Variants in AGAP1 observed in about 807,000 individuals in gnomAD.
The protein encoded by AGAP1 is ArfGAP with GTPase domain, ankyrin repeat and PH domain 1, also known as arf-GAP with GTPase, ANK repeat and PH domain-containing protein 1.
In AGAP1, 29 loss-of-function variants were observed where a neutral mutation model predicts 105.3. The observed-to-expected ratio is 0.28, with a 90% CI of 0.21 to 0.38. The LOEUF is 0.38. AGAP1 is among the 10% of genes least tolerant of loss of function. The probability of loss-of-function intolerance (pLI) is 1.00; values close to 1 mark genes in which losing one functional copy is unlikely to be tolerated. For synonymous variants in AGAP1, 509 were observed against 485.9 expected (o/e 1.05, Z -0.63); for missense variants, 998 against 1,165.1 (o/e 0.86, Z 2.09).
intron 8 of AGAP1, among the ~76,000 whole-genome samples, chr2:235,800,509 A>G (rs1957447082): frequency 6.6e-6 from 1 of 152,222 alleles, no homozygotes; most frequent in Admixed American, 6.5e-5. Flanking sequence ...TGCATAGCAG[A>G]CATTACCAAT....
At chr2:235,941,567 CAA>C (rs1340585146) in intron 12 of AGAP1, among the ~76,000 whole-genome samples, 1 of 152,176 alleles carries the variant, frequency 6.6e-6, no homozygotes, top group East Asian at 1.9e-4. Flanking sequence ...ATTCTGAAGT[CAA>C]GTCGTGCATG....
chr2:235,956,780 G>A (rs991560985), intron 12 of AGAP1, among the ~76,000 whole-genome samples: 1 of 152,136 alleles, frequency 6.6e-6, no homozygotes, highest in African/African-American at 2.4e-5. Flanking sequence ...GTAGGTGGCT[G>A]GAGGCCAGAC....
chr2:235,736,922 T>A lies in AGAP1; in HGVS notation c.311-4041T>A, dbSNP rs1272812222. On this transcript the variant is annotated intron_variant, in intron 3 of 17. Transcript: ENST00000304032. This position sits in a 1 kb window ranked among gnomAD's most constrained non-coding sequence, Gnocchi z 5.5. ...GATCTGATGAAATGGTAGGTTGAAT[T>A]TAAAATGGTGCAAGTGGTGGTGCCT... 5.3e-5 allele frequency among the ~76,000 whole-genome samples: 8 copies of A among 152,324 alleles called. No homozygotes were observed. The highest frequency in any genetic ancestry group is 1.9e-4 in the African/African-American group (8 of 41,572).
rs1946909154 is a variant in AGAP1, at chr2:235,633,907, A to C, written c.164-75272A>C. Among the ~76,000 whole-genome samples, 1 of 152,170 alleles carries C rather than the reference A, an allele frequency of 6.6e-6. No homozygotes were observed. On this transcript the variant is annotated intron_variant, in intron 1 of 17. Coordinates refer to ENST00000304032, the MANE Select transcript of AGAP1 (RefSeq NM_001037131.3). This position sits in a 1 kb window ranked among gnomAD's most constrained non-coding sequence, Gnocchi z 4.8. ...ATGAGGGGCAAGAGATCAGGAGAGCAGGAGAAGCTCAGAGAGAAACTTGGC... is the reference window on the plus strand; with the variant it reads ...ATGAGGGGCAAGAGATCAGGAGAGCCGGAGAAGCTCAGAGAGAAACTTGGC...
intron 13 of AGAP1, among the ~76,000 whole-genome samples, chr2:235,990,065 C>T (rs1040581689): frequency 6.6e-6 from 1 of 152,060 alleles, no homozygotes; most frequent in Non-Finnish European, 1.5e-5. Flanking sequence ...CACAGCCACA[C>T]AAGCCGTTCT....
rs996617056 is a variant in AGAP1, at chr2:236,104,870, A to C, written c.2115-15322A>C. Among the ~76,000 whole-genome samples, 3 of 152,060 alleles carry C rather than the reference A, an allele frequency of 2.0e-5. No individual in the cohort carries two copies. The highest frequency in any genetic ancestry group is 7.2e-5 in the African/African-American group (3 of 41,422). On this transcript the variant is annotated intron_variant, in intron 16 of 17. Coordinates refer to ENST00000304032, the MANE Select transcript of AGAP1 (RefSeq NM_001037131.3). The surrounding 1 kb of genome is among the most constrained non-coding windows in gnomAD (Gnocchi z 4.7). Reference sequence around the variant, plus strand: ...GCCCAAGTTCATGCCACTGCACTGCAGCCTGGGCTACAGAGCGAGACTCTG... The same window carrying C: ...GCCCAAGTTCATGCCACTGCACTGCCGCCTGGGCTACAGAGCGAGACTCTG...
Position 235,957,254 on chromosome 2 carries a change from A to T in AGAP1, c.1484-11208A>T, listed in dbSNP as rs569384939. Among the ~76,000 whole-genome samples the T allele has an allele frequency of 1.3e-5, 2 of 152,342 alleles. No homozygotes were observed. The highest frequency in any genetic ancestry group is 1.3e-4 in the Admixed American group (2 of 15,306). ...GGAAGATCAAATTTCCTAAATTCCT[A>T]CTGACTAGGCTTAATTTAGAGAGAT... On this transcript the variant is annotated intron_variant, in intron 12 of 17. Coordinates refer to ENST00000304032, the MANE Select transcript of AGAP1 (RefSeq NM_001037131.3). The surrounding 1 kb of genome is among the most constrained non-coding windows in gnomAD (Gnocchi z 4.6).
chr2:235,559,008 C>T lies in AGAP1; in HGVS notation c.163+64159C>T, dbSNP rs1398123408. Among the ~76,000 whole-genome samples, 4 of 152,040 alleles carry T rather than the reference C, an allele frequency of 2.6e-5. No homozygotes were observed. Among genetic ancestry groups the T allele is most frequent in the Admixed American group, 6.6e-5 (1 of 15,266 alleles). On this transcript the variant is annotated intron_variant, in intron 1 of 17. Coordinates refer to ENST00000304032, the MANE Select transcript of AGAP1 (RefSeq NM_001037131.3). The surrounding 1 kb of genome is among the most constrained non-coding windows in gnomAD (Gnocchi z 5.7). Reference sequence around the variant, plus strand: ...TGTGATCTCTGCTCACTGCAGCCTTCGCCTCCCAGGCTCAAGAAATTCTCC... The same window carrying T: ...TGTGATCTCTGCTCACTGCAGCCTTTGCCTCCCAGGCTCAAGAAATTCTCC...
chr2:235,924,532 G>T (rs2052350969), intron 11 of AGAP1, among the ~76,000 whole-genome samples: 1 of 152,128 alleles, frequency 6.6e-6, no homozygotes, highest in Admixed American at 6.5e-5. Context: ...TGCATACCGG[G>T]TCCCATCTTC....
At chr2:235,844,487 T>C (rs1961239676) in intron 9 of AGAP1, among the ~76,000 whole-genome samples, 1 of 152,200 alleles carries the variant, frequency 6.6e-6, no homozygotes, top group Admixed American at 6.5e-5. Context: ...TCCAAAAATC[T>C]ATTATGCACT....
At chr2:235,544,013 C>G (rs2149101026) in intron 1 of AGAP1, among the ~76,000 whole-genome samples, 1 of 152,302 alleles carries the variant, frequency 6.6e-6, no homozygotes, top group South Asian at 2.1e-4. Context: ...CTGGCCGTGC[C>G]CCATTCCTCA....
chr2:235,830,631 A>C lies in AGAP1; in HGVS notation c.1050+23300A>C, dbSNP rs1245376197. 3.4e-5 allele frequency among the ~76,000 whole-genome samples: 4 copies of C among 118,428 alleles called. No individual in the cohort carries two copies. The highest frequency in any genetic ancestry group is 2.7e-4 in the East Asian group (1 of 3,764). 77.7% of individuals were successfully genotyped at this position (118,428 alleles called of 152,430 possible). ...TGGAGTTTATTTGTTGGGGGAAGCA[A>C]TGTTGGTAGGGGGTGGGGGTTGCAC... On this transcript the variant is annotated intron_variant, in intron 9 of 17. Coordinates refer to ENST00000304032, the MANE Select transcript of AGAP1 (RefSeq NM_001037131.3). The surrounding 1 kb of genome is among the most constrained non-coding windows in gnomAD (Gnocchi z 5.5).
In AGAP1 at chr2:235,891,168, G is replaced by A. The variant is rs77227530; in HGVS notation, c.1155+7719G>A. The stretch of plus-strand genomic sequence containing the variant: ...GAAGTCCCAGGCAATCTGGGACCTG[G>A]CCGCACTTGCTGCAGTACTGACCGC... On this transcript the variant is annotated intron_variant, in intron 10 of 17. Transcript: ENST00000304032. The surrounding 1 kb of genome is among the most constrained non-coding windows in gnomAD (Gnocchi z 4.2). Among the ~76,000 whole-genome samples the A allele has an allele frequency of 3.1e-3, 471 of 152,226 alleles. 1 individual carries two copies. Among genetic ancestry groups the A allele is most frequent in the African/African-American group, 0.011 (444 of 41,550 alleles).
At chr2:235,876,257 T>C (rs1015802764) in intron 9 of AGAP1, among the ~76,000 whole-genome samples, 2 of 152,254 alleles carry the variant, frequency 1.3e-5, no homozygotes, top group African/African-American at 4.8e-5. Flanking sequence ...ATAATTTATT[T>C]TTAAAGGAGA....
In AGAP1 at chr2:235,733,274, C is replaced by A. The variant is rs1249743592; in HGVS notation, c.311-7689C>A. ...CTTTGCCGGCCATTCACTTCCAAGGCTTTCTTATTTCCATTCCTCAGTCAG... is the reference window on the plus strand; with the variant it reads ...CTTTGCCGGCCATTCACTTCCAAGGATTTCTTATTTCCATTCCTCAGTCAG... On this transcript the variant is annotated intron_variant, in intron 3 of 17. Transcript: ENST00000304032. The surrounding 1 kb of genome is among the most constrained non-coding windows in gnomAD (Gnocchi z 5.0). Among the ~76,000 whole-genome samples, 1 of 152,238 alleles carries A rather than the reference C, an allele frequency of 6.6e-6. No individual in the cohort carries two copies.
rs55805987 is a variant in AGAP1, at chr2:235,927,853, C to T, written c.1325-2912C>T. 0.15 allele frequency among the ~76,000 whole-genome samples: 22,799 copies of T among 152,264 alleles called. 1,947 individuals carry two copies. Among genetic ancestry groups the T allele is most frequent in the South Asian group, 0.27 (1,287 of 4,822 alleles). On this transcript the variant is annotated intron_variant, in intron 11 of 17. Coordinates refer to ENST00000304032, the MANE Select transcript of AGAP1 (RefSeq NM_001037131.3). The surrounding 1 kb of genome is among the most constrained non-coding windows in gnomAD (Gnocchi z 4.4). ...GTTGTCCCAAAGATGGAGGGACAGA[C>T]AGACACAGTGAAATTCCTTTTTGTT...
intron 13 of AGAP1, among the ~76,000 whole-genome samples, chr2:236,029,183 G>GTT (rs749576640): frequency 0.25 from 35,608 of 144,218 alleles, 5,036 homozygotes; most frequent in African/African-American, 0.4. Flanking sequence ...TTTTTATTTA[G>GTT]TTTTTTTTTT....
At chr2:235,730,321 A>G in intron 3 of AGAP1, among the ~76,000 whole-genome samples, 1 of 152,016 alleles carries the variant, frequency 6.6e-6, no homozygotes, top group East Asian at 1.9e-4. Context: ...CTGCTGTCCC[A>G]CTTGCTTCCT....
intron 1 of AGAP1, chr2:235,670,372 TTTCCGCACC>T (rs902428306): frequency 5.8e-5 from 32 of 547,740 alleles, no homozygotes; most frequent in East Asian, 4.0e-4. Context: ...GCGCTTGGGA[TTTCCGCACC>T]TTCCGCACCC....
Sources: gnomAD v4.1 joint callset for allele counts (sites outside exome capture counted in the v4.1 genomes callset) on GRCh38, gnomAD v4.1.1 for gene constraint, Gnocchi (gnomAD v3.1) non-coding constraint, MANE v1.5 for transcripts, NCBI Gene and HGNC (gene_info 2026-07-23, HGNC 2026-07-21) for gene names.